DISC1: variants seen among roughly 807,000 people sequenced by gnomAD.
DISC1 encodes DISC1 scaffold protein.
In DISC1, 57 loss-of-function variants were observed where a neutral mutation model predicts 84.5. The ratio of observed to expected loss-of-function variants is 0.67; its 90% CI spans 0.55 to 0.84. The LOEUF is 0.84. DISC1 is among the 40% of genes least tolerant of loss of function. The pLI, the probability that DISC1 is intolerant of heterozygous loss-of-function variation, is 0.00. For synonymous variants in DISC1, 411 were observed against 415.2 expected, an observed-to-expected ratio of 0.99 and a Z score of 0.12; for missense variants, 1,000 against 1,057.8, an observed-to-expected ratio of 0.95 and a Z score of 0.76.
chr1:231,970,837 T>C (rs1661842059), intron 10 of DISC1, among the ~76,000 whole-genome samples: 1 of 152,080 alleles, frequency 6.6e-6, no homozygotes. Flanking sequence ...TTTAAGAAGG[T>C]CTGAGACTTG....
chr1:231,930,374 G>A lies in DISC1; in HGVS notation c.1982-28454G>A, dbSNP rs533494982. The stretch of plus-strand genomic sequence containing the variant: ...TAACATTTCCTGTGCATTTGTTTAC[G>A]TGTGCCAGGGATCGCTCTAAGTGCT... On this transcript the variant is annotated intron_variant, in intron 9 of 12. Transcript: ENST00000439617. Among the ~76,000 whole-genome samples, 18 of 152,276 alleles carry A rather than the reference G, an allele frequency of 1.2e-4. No homozygotes were observed. In the South Asian group the frequency reaches 3.7e-3, roughly 32 times the overall value.
At chr1:231,814,894 G>A (rs1392530608) in intron 8 of DISC1, 1 of 151,238 alleles carries the variant, frequency 6.6e-6, no homozygotes, top group Non-Finnish European at 1.5e-5. Context: ...CTGGCTGATG[G>A]TGATTGTAGG....
intron 11 of DISC1, among the ~76,000 whole-genome samples, chr1:232,011,479 A>G (rs1668014118): frequency 1.3e-5 from 2 of 152,048 alleles, no homozygotes. Flanking sequence ...TGCTGGATTT[A>G]TTTTCACAGA....
intron 3 of DISC1, among the ~76,000 whole-genome samples, chr1:231,728,376 G>A (rs1374372897): frequency 2.6e-5 from 4 of 152,170 alleles, no homozygotes; most frequent in Admixed American, 6.5e-5. Context: ...GGAGGCAGCC[G>A]CCAACAAGGC....
chr1:231,657,806 T>C (rs1304004820), intron 1 of DISC1, among the ~76,000 whole-genome samples: 2 of 152,186 alleles, frequency 1.3e-5, no homozygotes, highest in Non-Finnish European at 2.9e-5. Flanking sequence ...TTGGGTCTTA[T>C]TTCTGAGTTC....
intron 4 of DISC1, among the ~76,000 whole-genome samples, chr1:231,764,101 T>C (rs1484896427): frequency 8.5e-5 from 13 of 152,252 alleles, no homozygotes; most frequent in Non-Finnish European, 1.9e-4. Flanking sequence ...GATCTAGCTG[T>C]GTGGGAGATG....
intron 9 of DISC1, among the ~76,000 whole-genome samples, chr1:231,861,719 G>T (rs76943910): frequency 4.7e-4 from 72 of 152,242 alleles, no homozygotes; most frequent in African/African-American, 1.6e-3. Context: ...AGAGGTTGCT[G>T]TCACGTGATA....
At position 231,910,798 on chromosome 1, in the gene DISC1, G is replaced by A. The variant is rs146985623; in HGVS notation, c.1982-48030G>A. Among the ~76,000 whole-genome samples, 77 of 152,272 alleles carry A rather than the reference G, an allele frequency of 5.1e-4. 1 individual carries two copies. In the East Asian group the frequency reaches 0.014, roughly 28 times the overall value. ...GGTGTTAAAGTCTCCCATTATTATT[G>A]TGTGGGAATCTAAGTCTTTTTGTAG... On this transcript the variant is annotated intron_variant, in intron 9 of 12. Transcript: ENST00000439617.
intron 9 of DISC1, among the ~76,000 whole-genome samples, chr1:231,911,576 A>T (rs1448519648): frequency 1.3e-5 from 2 of 152,160 alleles, no homozygotes; most frequent in Non-Finnish European, 2.9e-5. Context: ...TTTGTGGGTA[A>T]CCTGACCTTT....
At chr1:231,973,560 C>G (rs1280756833) in intron 10 of DISC1, among the ~76,000 whole-genome samples, 1 of 152,208 alleles carries the variant, frequency 6.6e-6, no homozygotes, top group African/African-American at 2.4e-5. Context: ...GAACAAGCAT[C>G]TTCGACAATG....
rs2076241489 is a variant in DISC1, at chr1:231,767,334, G to C, written c.1398+65G>C. ...TTTCTTTTCTTTGAGACAGGGTCTT[G>C]CTCTGTTGCCTAGGTTGGAGGGCAG... On this transcript the variant is annotated intron_variant, in intron 5 of 12. Coordinates refer to ENST00000439617, the MANE Select transcript of DISC1 (RefSeq NM_018662.3). 3.1e-6 allele frequency: 5 copies of C among 1,594,316 alleles called. No homozygotes were observed. In the South Asian group the frequency reaches 3.4e-5, roughly 11 times the overall value.
intron 3 of DISC1, among the ~76,000 whole-genome samples, chr1:231,716,541 C>T (rs2068753078): frequency 6.6e-6 from 1 of 151,988 alleles, no homozygotes; most frequent in Non-Finnish European, 1.5e-5. Flanking sequence ...AATTGAAACC[C>T]TGCTTGGGCT....
chr1:231,886,254 T>C lies in DISC1; in HGVS notation c.1981+67737T>C, dbSNP rs552226214. On this transcript the variant is annotated intron_variant, in intron 9 of 12. Transcript: ENST00000439617. ...ACATTGAAACCATAGCACTCCCCTA[T>C]AGCAATGAGTAATATCCGCATAGTG... Among the ~76,000 whole-genome samples, 28 of 152,336 alleles carry C rather than the reference T, an allele frequency of 1.8e-4. 1 individual carries two copies. Among genetic ancestry groups the C allele is most frequent in the African/African-American group, 6.7e-4 (28 of 41,578 alleles).
chr1:231,905,799 A>C (rs571862540), intron 9 of DISC1, among the ~76,000 whole-genome samples: 9 of 152,046 alleles, frequency 5.9e-5, no homozygotes, highest in African/African-American at 1.9e-4. Context: ...ATTCGATGGT[A>C]GTAGTCTATC....
intron 12 of DISC1, among the ~76,000 whole-genome samples, chr1:232,035,919 C>A (rs879408791): frequency 6.6e-6 from 1 of 152,196 alleles, no homozygotes; most frequent in South Asian, 2.1e-4. Flanking sequence ...TTGCTAAGTT[C>A]TCTATGATTG....
chr1:231,845,494 T>A (rs1288172801), intron 9 of DISC1, among the ~76,000 whole-genome samples: 1 of 152,070 alleles, frequency 6.6e-6, no homozygotes, highest in African/African-American at 2.4e-5. Flanking sequence ...CCAGGTGGAT[T>A]TGGTGCCCAT....
chr1:231,870,669 C>G (rs919148228), intron 9 of DISC1, among the ~76,000 whole-genome samples: 1 of 152,238 alleles, frequency 6.6e-6, no homozygotes, highest in South Asian at 2.1e-4. Flanking sequence ...CCAAAAAGCC[C>G]TCAAAACATG....
At chr1:231,878,450 G>A (rs2086048889) in intron 9 of DISC1, among the ~76,000 whole-genome samples, 1 of 152,176 alleles carries the variant, frequency 6.6e-6, no homozygotes, top group African/African-American at 2.4e-5. Context: ...GCAGGGGGTT[G>A]CTGGCTTCAA....
At chr1:231,631,784 A>G (rs1268929038) in intron 1 of DISC1, among the ~76,000 whole-genome samples, 2 of 152,078 alleles carry the variant, frequency 1.3e-5, no homozygotes, top group African/African-American at 2.4e-5. Context: ...AAAAAAAGTT[A>G]TGGTACGCTA....
Sources: gnomAD v4.1 joint callset for allele counts (sites outside exome capture counted in the v4.1 genomes callset) on GRCh38, gnomAD v4.1.1 for gene constraint, MANE v1.5 for transcripts, NCBI Gene and HGNC (gene_info 2026-07-23, HGNC 2026-07-21) for gene names.